Variants in ATP4B observed in about 807,000 individuals in gnomAD.
The protein encoded by ATP4B is potassium-transporting ATPase subunit beta.
Under a neutral mutation model 35.3 loss-of-function variants are expected in ATP4B, and 27 were observed. The ratio of observed to expected loss-of-function variants is 0.76; its 90% CI spans 0.56 to 1.05. The LOEUF (loss-of-function observed/expected upper bound fraction) is 1.05. Among genes scored for constraint, ATP4B ranks in the 50% least tolerant of loss-of-function variants. The probability of loss-of-function intolerance (pLI) is 0.00; values close to 1 mark genes in which losing one functional copy is unlikely to be tolerated. For synonymous variants in ATP4B, 162 were observed against 156.0 expected (o/e 1.04, Z -0.29); for missense variants, 375 against 384.8 (o/e 0.97, Z 0.21).
chr13:113,651,615 G>A (rs2049712563), intron 5 of ATP4B, 56 bp downstream of exon 5: 8 of 1,516,100 alleles, frequency 5.3e-6, no homozygotes, highest in South Asian at 2.6e-5. Context: ...GAACCAGCAC[G>A]ACCCTGACAA....
intron 1 of ATP4B, 73 bp from the exon 2 acceptor site, chr13:113,655,015 C>T (rs780011381): frequency 3.3e-5 from 52 of 1,582,898 alleles, no homozygotes; most frequent in Non-Finnish European, 4.0e-5. Context: ...GCCTTGAGCG[C>T]GTCCGTGATG....
At chr13:113,651,239 A>G (rs970911129) in intron 5 of ATP4B, among the ~76,000 whole-genome samples, 2 of 152,244 alleles carry the variant, frequency 1.3e-5, no homozygotes, top group Non-Finnish European at 2.9e-5. Context: ...AGCAGTTTTG[A>G]AAAACAACCT....
chr13:113,654,333 A>T (rs1038584520), intron 2 of ATP4B, among the ~76,000 whole-genome samples: 9 of 152,188 alleles, frequency 5.9e-5, no homozygotes, highest in Admixed American at 1.3e-4. Context: ...GACGACTCGG[A>T]TGCCTGTTCC....
At chr13:113,655,329 A>G (rs1041052900) in intron 1 of ATP4B, among the ~76,000 whole-genome samples, 5 of 152,154 alleles carry the variant, frequency 3.3e-5, no homozygotes, top group African/African-American at 1.2e-4. Context: ...ACAGGAAGGG[A>G]AACTGAGGCA....
chr13:113,656,100 G>C (rs1295909583), intron 1 of ATP4B, among the ~76,000 whole-genome samples: 1 of 152,218 alleles, frequency 6.6e-6, no homozygotes, highest in African/African-American at 2.4e-5. Context: ...TCAGCCTCCG[G>C]TTTTGAGTTT....
rs1436195754 is a variant in ATP4B, at chr13:113,649,742, A to G, written c.715-207T>C. On this transcript the variant is annotated intron_variant, in intron 6 of 6. Coordinates refer to ENST00000335288, the MANE Select transcript of ATP4B (RefSeq NM_000705.4). This position sits in a 1 kb window ranked among gnomAD's most constrained non-coding sequence, Gnocchi z 4.7. ...GAAAGCAACTGTCTGGAGGGGACAG[A>G]CAATACCAGGAGTAAATTCAGCTTC... Among the ~76,000 whole-genome samples, 1 of 152,232 alleles carries G rather than the reference A, an allele frequency of 6.6e-6. No homozygotes were observed. The highest frequency in any genetic ancestry group is 6.5e-5 in the Admixed American group (1 of 15,286).
In ATP4B at chr13:113,651,594, G is replaced by A. The variant is rs139310316; in HGVS notation, c.612+77C>T. 591 of 1,432,854 alleles carry A rather than the reference G, an allele frequency of 4.1e-4. 1 individual carries two copies. In the Middle Eastern group the frequency reaches 8.3e-3, roughly 20 times the overall value. 88.8% of individuals were successfully genotyped at this position (1,432,854 alleles called of 1,614,324 possible). A position where few individuals can be genotyped will look rare whatever the true frequency, so the allele number is the denominator to read the frequency against. The stretch of plus-strand genomic sequence containing the variant: ...ATTCCTGGAGAGAACCAGGTGGGCC[G>A]TGCCCAGCATGAACCAGCACGACCC... On this transcript the variant is annotated intron_variant, in intron 5 of 6. Transcript: ENST00000335288.
chr13:113,654,771 C>G, intron 2 of ATP4B, 43 bp downstream of exon 2: 2 of 1,600,894 alleles, frequency 1.2e-6, no homozygotes, highest in Non-Finnish European at 1.7e-6. Context: ...AGGCGGCAGC[C>G]TGGCCTGTCA....
intron 1 of ATP4B, among the ~76,000 whole-genome samples, chr13:113,656,622 A>G (rs1272845384): frequency 6.6e-6 from 1 of 152,048 alleles, no homozygotes; most frequent in African/African-American, 2.4e-5. Flanking sequence ...GGTGCAGCTC[A>G]CTCTGCCTCT....
At chr13:113,656,265 C>T (rs2049753746) in intron 1 of ATP4B, among the ~76,000 whole-genome samples, 1 of 152,192 alleles carries the variant, frequency 6.6e-6, no homozygotes, top group African/African-American at 2.4e-5. Flanking sequence ...CCGCCTGTCC[C>T]CCGGGGACCT....
At chr13:113,652,339 G>T (rs1378894814) in intron 4 of ATP4B, among the ~76,000 whole-genome samples, 1 of 152,244 alleles carries the variant, frequency 6.6e-6, no homozygotes, top group Non-Finnish European at 1.5e-5. Context: ...CCTCTTAAGT[G>T]GAAAAGGAAC....
intron 1 of ATP4B, among the ~76,000 whole-genome samples, chr13:113,655,829 CA>C (rs1417138561): frequency 6.6e-6 from 1 of 152,192 alleles, no homozygotes; most frequent in Non-Finnish European, 1.5e-5. Context: ...AAAACACAAC[CA>C]AAGGGCAGGA....
chr13:113,653,220 C>T (rs1243095910), intron 3 of ATP4B, 101 bp downstream of exon 3: 1 of 1,334,056 alleles, frequency 7.5e-7, no homozygotes, highest in Non-Finnish European at 1.0e-6. Context: ...TCACCTGCTG[C>T]TTCACACCTC....
intron 2 of ATP4B, among the ~76,000 whole-genome samples, chr13:113,653,642 T>G (rs2049731008): frequency 6.6e-6 from 1 of 152,202 alleles, no homozygotes; most frequent in African/African-American, 2.4e-5. Context: ...GCCCCGGCCC[T>G]GGAACCTGGC....
At chr13:113,655,047 C>G in intron 1 of ATP4B, 105 bp from the exon 2 acceptor site, 1 of 1,457,968 alleles carries the variant, frequency 6.9e-7, no homozygotes, top group Non-Finnish European at 9.3e-7. Flanking sequence ...TCTTCCCTAC[C>G]TAGTTCCAGA....
chr13:113,651,562 G>T, intron 5 of ATP4B, 109 bp downstream of exon 5: 1 of 1,267,708 alleles, frequency 7.9e-7, no homozygotes, highest in South Asian at 1.8e-5. Context: ...CTGGGCCGAC[G>T]GCTGACATTC....
intron 3 of ATP4B, 83 bp from the exon 4 acceptor site, chr13:113,653,155 A>G: frequency 1.3e-6 from 2 of 1,503,448 alleles, no homozygotes; most frequent in East Asian, 4.6e-5. Flanking sequence ...GCAAGCCCTG[A>G]GTGCGAGTTT....
rs1161567816 is a variant in ATP4B, at chr13:113,658,130, C to T, written c.15G>A (p.Gln5=). 2 of 1,612,788 alleles carry T rather than the reference C, an allele frequency of 1.2e-6. No homozygotes were observed. Among genetic ancestry groups the T allele is most frequent in the Non-Finnish European group, 1.7e-6 (2 of 1,179,710 alleles). The change falls in exon 1 of 7, where the codon CAG becomes CAA. Residue 5 remains glutamine, a synonymous_variant. Transcript: ENST00000335288. MAAL[Q]EKKTCGQRME... ...TGCGCTGGCCACACGTCTTCTTCTC[C>T]TGCAGAGCCGCCATCGTCCCTGGCC...
chr13:113,658,027 A>G lies in ATP4B; in HGVS notation c.112+6T>C, dbSNP rs778737652. 6.3e-7 allele frequency: 1 copy of G among 1,593,882 alleles called. No individual in the cohort carries two copies. Among genetic ancestry groups the G allele is most frequent in the Non-Finnish European group, 8.5e-7 (1 of 1,172,260 alleles). ...TGCACCCAGCCGGCCCGCCCCCCGCACGTACCCCACCGGGACAGGGTGCGG... is the reference window on the plus strand; with the variant it reads ...TGCACCCAGCCGGCCCGCCCCCCGCGCGTACCCCACCGGGACAGGGTGCGG... On this transcript the variant is annotated splice_donor_region_variant and intron_variant, in intron 1 of 6. Transcript: ENST00000335288.
Sources: gnomAD v4.1 joint callset for allele counts (sites outside exome capture counted in the v4.1 genomes callset) on GRCh38, gnomAD v4.1.1 for gene constraint, Gnocchi (gnomAD v3.1) non-coding constraint, MANE v1.5 for transcripts, NCBI Gene and HGNC (gene_info 2026-07-23, HGNC 2026-07-21) for gene names.